The following TOX2 variants were observed in gnomAD, a reference collection of about 807,000 sequenced individuals.
TOX2 encodes TOX high mobility group box family member 2.
A neutral mutation model predicts 47.4 loss-of-function variants in TOX2; 15 were observed. The observed-to-expected ratio is 0.32, with a 90% CI of 0.21 to 0.49. The LOEUF (loss-of-function observed/expected upper bound fraction) is 0.49, where lower values mean the gene tolerates loss of function less well. Ranked by LOEUF, TOX2 falls within the 20% of genes least tolerant of loss-of-function variation. TOX2 has a pLI of 0.99. For synonymous variants in TOX2, 290 were observed against 296.6 expected, an observed-to-expected ratio of 0.98 and a Z score of 0.23; for missense variants, 622 against 673.1, an observed-to-expected ratio of 0.92 and a Z score of 0.84.
chr20:44,007,758 C>G lies in TOX2; in HGVS notation c.411+966C>G, dbSNP rs541928754. On this transcript the variant is annotated intron_variant, in intron 3 of 8. Transcript: ENST00000341197. ...AGGAGGCTGAGGTGGGAGGATCACT[C>G]AAGCCCGGGAGGTCAAGGCTGTGGT... Among the ~76,000 whole-genome samples, 3 of 152,128 alleles carry G rather than the reference C, an allele frequency of 2.0e-5. No homozygotes were observed. In the South Asian group the frequency reaches 6.2e-4, roughly 32 times the overall value.
chr20:43,944,638 CTTACT>C (rs2069442136), intron 1 of TOX2, among the ~76,000 whole-genome samples: 1 of 152,228 alleles, frequency 6.6e-6, no homozygotes, highest in African/African-American at 2.4e-5. Flanking sequence ...CTCTCTGTCA[CTTACT>C]TTAGTATTGT....
At chr20:43,935,868 A>G (rs909698927) in intron 1 of TOX2, among the ~76,000 whole-genome samples, 35 of 138,356 alleles carry the variant, frequency 2.5e-4, no homozygotes, top group Non-Finnish European at 2.1e-4. Flanking sequence ...AGGAGGTTGC[A>G]GTGAGCCAAG....
At chr20:44,067,942 G>A (rs1454141673) in intron 8 of TOX2, among the ~76,000 whole-genome samples, 3 of 152,312 alleles carry the variant, frequency 2.0e-5, no homozygotes, top group East Asian at 1.9e-4. Context: ...GCTGAGAAAC[G>A]CTGCCCCCAG....
At chr20:43,966,129 G>A (rs937422581) in intron 1 of TOX2, among the ~76,000 whole-genome samples, 3 of 152,186 alleles carry the variant, frequency 2.0e-5, no homozygotes, top group Non-Finnish European at 4.4e-5. Flanking sequence ...AACCTTATGA[G>A]GTAGGAATGT....
chr20:44,003,063 C>A (rs551421386), intron 2 of TOX2, among the ~76,000 whole-genome samples: 1 of 152,296 alleles, frequency 6.6e-6, no homozygotes, highest in African/African-American at 2.4e-5. Flanking sequence ...GGCTCCTAAC[C>A]ACTGCACTGC....
chr20:44,022,621 T>C (rs1474471520), intron 3 of TOX2, among the ~76,000 whole-genome samples: 7 of 152,220 alleles, frequency 4.6e-5, no homozygotes, highest in African/African-American at 1.7e-4. Context: ...CCATGCCTTA[T>C]TGTGGCCACA....
At chr20:44,008,347 G>A (rs1298254371) in intron 3 of TOX2, among the ~76,000 whole-genome samples, 2 of 152,050 alleles carry the variant, frequency 1.3e-5, no homozygotes, top group Non-Finnish European at 2.9e-5. Flanking sequence ...ATCACTTGAG[G>A]CCAGGAGTTC....
intron 3 of TOX2, among the ~76,000 whole-genome samples, chr20:44,012,972 T>G (rs2070805247): frequency 6.6e-6 from 1 of 152,236 alleles, no homozygotes; most frequent in Non-Finnish European, 1.5e-5. Context: ...TGAAGGGCCT[T>G]TCCATGCTGG....
intron 3 of TOX2, among the ~76,000 whole-genome samples, chr20:44,033,503 T>C (rs1600762140): frequency 1.3e-5 from 2 of 152,156 alleles, no homozygotes; most frequent in East Asian, 3.8e-4. Context: ...GATCTTGTGA[T>C]GGGCATATGG....
chr20:43,932,589 A>G (rs2069266560), intron 1 of TOX2, among the ~76,000 whole-genome samples: 2 of 152,118 alleles, frequency 1.3e-5, no homozygotes, highest in South Asian at 4.1e-4. Flanking sequence ...GTCCAAACAC[A>G]CGTCTGGATT....
At chr20:43,947,673 A>G (rs2069495564) in intron 1 of TOX2, among the ~76,000 whole-genome samples, 1 of 152,214 alleles carries the variant, frequency 6.6e-6, no homozygotes, top group Non-Finnish European at 1.5e-5. Flanking sequence ...AGAGGAGTTC[A>G]TGGCAAGGAC....
At chr20:44,042,127 C>T (rs779780766) in intron 3 of TOX2, among the ~76,000 whole-genome samples, 23 of 152,166 alleles carry the variant, frequency 1.5e-4, no homozygotes, top group Non-Finnish European at 2.8e-4. Flanking sequence ...ATAATCATGG[C>T]GGAAGGCAAA....
rs1178192740 is a variant in TOX2, at chr20:44,048,398, ATATATATATATATATG to A, written c.412-2903_412-2888del. 2.2e-4 allele frequency among the ~76,000 whole-genome samples: 29 copies of A among 129,852 alleles called. 1 individual carries two copies. The East Asian group carries it at 2.3e-3, about 10-fold the overall frequency. The allele number at this position is 129,852 out of a possible 152,430, so 85.2% of individuals were successfully genotyped here. On this transcript the variant is annotated intron_variant, in intron 3 of 8. Coordinates refer to ENST00000341197, the MANE Select transcript of TOX2 (RefSeq NM_001098797.2). The stretch of plus-strand genomic sequence containing the variant: ...CTGGATAAAATGAATTTATATATAT[ATATATATATATATATG>A]TATAATTTACCAAAACTGACTCGAG...
intron 2 of TOX2, among the ~76,000 whole-genome samples, chr20:43,995,949 G>C (rs575239292): frequency 6.6e-6 from 1 of 152,206 alleles, no homozygotes; most frequent in East Asian, 1.9e-4. Context: ...TTCCATGTTT[G>C]TTGTGAATAG....
rs542437016 is a variant in TOX2, at chr20:44,064,277, C to G, written c.880-500C>G. Among the ~76,000 whole-genome samples the G allele has an allele frequency of 3.3e-5, 5 of 152,250 alleles. No homozygotes were observed. In the East Asian group the frequency reaches 9.6e-4, roughly 29 times the overall value. On this transcript the variant is annotated intron_variant, in intron 5 of 8. Coordinates refer to ENST00000341197, the MANE Select transcript of TOX2 (RefSeq NM_001098797.2). ...GTCATTTGCACCTCCTCGTTTCTAC[C>G]AAAAGCCATGGAAACAAGGAGGTGC...
chr20:43,967,352 C>T (rs116865828), intron 1 of TOX2, among the ~76,000 whole-genome samples: 51 of 152,242 alleles, frequency 3.3e-4, no homozygotes, highest in Admixed American at 8.5e-4. Context: ...GGTGATGTTG[C>T]AACCGTGAGT....
At chr20:43,926,680 C>G (rs1202163621) in intron 1 of TOX2, among the ~76,000 whole-genome samples, 1 of 152,224 alleles carries the variant, frequency 6.6e-6, no homozygotes, top group African/African-American at 2.4e-5. Context: ...GGGGCTGTCT[C>G]TTTTCTCTCC....
At chr20:43,945,951 C>T (rs1188274212) in intron 1 of TOX2, 1 of 1,613,888 alleles carries the variant, frequency 6.2e-7, no homozygotes, top group Non-Finnish European at 8.5e-7. Context: ...CGGGCGCGTT[C>T]TCTCGCTGCC....
chr20:43,916,287 G>A lies in TOX2; in HGVS notation c.99+1297G>A, dbSNP rs936575560. On this transcript the variant is annotated intron_variant, in intron 1 of 8. Coordinates refer to ENST00000341197, the MANE Select transcript of TOX2 (RefSeq NM_001098797.2). This position sits in a 1 kb window ranked among gnomAD's most constrained non-coding sequence, Gnocchi z 5.0. ...TCGCAGGCTTTTCGTCAGGCCCCTG[G>A]TAGTGGGGATGAGGCAGGAGAGAGG... The A allele has an allele frequency of 1.0e-6, 1 of 954,570 alleles. No homozygotes were observed. Among genetic ancestry groups the A allele is most frequent in the Admixed American group, 6.2e-5 (1 of 16,228 alleles). 59.1% of individuals were successfully genotyped at this position (954,570 alleles called of 1,614,324 possible).
Sources: gnomAD v4.1 joint callset for allele counts (sites outside exome capture counted in the v4.1 genomes callset) on GRCh38, gnomAD v4.1.1 for gene constraint, Gnocchi (gnomAD v3.1) non-coding constraint, MANE v1.5 for transcripts, NCBI Gene and HGNC (gene_info 2026-07-23, HGNC 2026-07-21) for gene names.